The following SORCS2 variants were observed in gnomAD, a reference collection of about 807,000 sequenced individuals.
The protein encoded by SORCS2 is sortilin related VPS10 domain containing receptor 2.
In SORCS2, 100 loss-of-function variants were observed where a neutral mutation model predicts 141.6. The ratio of observed to expected loss-of-function variants is 0.71; its 90% CI spans 0.60 to 0.83. The LOEUF is 0.83. Among genes scored for constraint, SORCS2 ranks in the 40% least tolerant of loss-of-function variants. The pLI is 0.00. For missense variants in SORCS2, 1,646 were observed against 1,560.2 expected (o/e 1.05, Z -0.93); for synonymous variants, 789 against 676.9 (o/e 1.17, Z -2.57).
At chr4:7,433,842 G>T (rs1465660299) in intron 2 of SORCS2, 2 of 1,613,918 alleles carry the variant, frequency 1.2e-6, no homozygotes, top group Non-Finnish European at 1.7e-6. Context: ...GCTGCACCAA[G>T]GAGGGGCTGT....
intron 1 of SORCS2, among the ~76,000 whole-genome samples, chr4:7,203,846 C>G (rs1046165360): frequency 2.6e-5 from 4 of 152,184 alleles, no homozygotes; most frequent in African/African-American, 9.7e-5. Flanking sequence ...CCCCGCCACT[C>G]ACAGTCTACT....
chr4:7,239,299 G>T (rs1712519030), intron 1 of SORCS2, among the ~76,000 whole-genome samples: 1 of 152,254 alleles, frequency 6.6e-6, no homozygotes, highest in South Asian at 2.1e-4. Context: ...CAGCACCGAG[G>T]GATCTGGGGC....
chr4:7,687,784 A>C (rs916856258), intron 10 of SORCS2, among the ~76,000 whole-genome samples: 8 of 152,140 alleles, frequency 5.3e-5, no homozygotes, highest in Admixed American at 5.2e-4. Context: ...CTTTTAGTCT[A>C]TTCACAGAGT....
At chr4:7,377,360 G>C (rs993087594) in intron 1 of SORCS2, among the ~76,000 whole-genome samples, 1 of 152,072 alleles carries the variant, frequency 6.6e-6, no homozygotes, top group Non-Finnish European at 1.5e-5. Flanking sequence ...CTGTGACGGG[G>C]GGGACAGATC....
chr4:7,555,350 T>G lies in SORCS2; in HGVS notation c.648+23721T>G, dbSNP rs192505658. On this transcript the variant is annotated intron_variant, in intron 3 of 26. Coordinates refer to ENST00000507866, the MANE Select transcript of SORCS2 (RefSeq NM_020777.3). ...TGAGGGCACTTTCTGGCAGGGGCCATTTCCAAAGACACCCCCAGCCATGGT... is the reference window on the plus strand; with the variant it reads ...TGAGGGCACTTTCTGGCAGGGGCCAGTTCCAAAGACACCCCCAGCCATGGT... Among the ~76,000 whole-genome samples the G allele has an allele frequency of 5.1e-4, 77 of 152,330 alleles. No homozygotes were observed. The East Asian group carries it at 0.014, about 27-fold the overall frequency.
chr4:7,467,391 G>A lies in SORCS2; in HGVS notation c.549-64139G>A, dbSNP rs190687246. Among the ~76,000 whole-genome samples, 188 of 152,294 alleles carry A rather than the reference G, an allele frequency of 1.2e-3. 1 individual carries two copies. In the East Asian group the frequency reaches 0.021, roughly 17 times the overall value. On this transcript the variant is annotated intron_variant, in intron 2 of 26. Coordinates refer to ENST00000507866, the MANE Select transcript of SORCS2 (RefSeq NM_020777.3). ...ATGAGGAGCTCACCCTGGGGCCTTC[G>A]GTTGGCCTCTGGGTTGGGTGATCAA...
chr4:7,697,407 C>A, intron 12 of SORCS2, 133 bp downstream of exon 12: 1 of 790,260 alleles, frequency 1.3e-6, no homozygotes, highest in Non-Finnish European at 2.0e-6. Flanking sequence ...TCCCATCTTG[C>A]AGCCAAAGTG....
chr4:7,534,533 A>G (rs1711951333), intron 3 of SORCS2, among the ~76,000 whole-genome samples: 2 of 152,184 alleles, frequency 1.3e-5, no homozygotes, highest in Non-Finnish European at 2.9e-5. Flanking sequence ...TGCAAATGGG[A>G]TTAAGTGGAG....
chr4:7,329,519 A>C (rs1719505589), intron 1 of SORCS2, among the ~76,000 whole-genome samples: 1 of 152,210 alleles, frequency 6.6e-6, no homozygotes, highest in African/African-American at 2.4e-5. Context: ...CAGCAGCTGC[A>C]GGTAGCTCAG....
chr4:7,264,250 G>T (rs978350172), intron 1 of SORCS2, among the ~76,000 whole-genome samples: 2 of 152,242 alleles, frequency 1.3e-5, no homozygotes, highest in Non-Finnish European at 2.9e-5. Flanking sequence ...CTCCAGCAAA[G>T]CGAGAAGAGA....
chr4:7,638,683 G>A (rs138988147), intron 4 of SORCS2, among the ~76,000 whole-genome samples, 191 bp downstream of exon 4: 13 of 152,242 alleles, frequency 8.5e-5, no homozygotes, highest in African/African-American at 1.4e-4. Flanking sequence ...TCAAGGGACC[G>A]TGCCCACTTG....
At chr4:7,244,430 G>A (rs1252172330) in intron 1 of SORCS2, among the ~76,000 whole-genome samples, 2 of 152,260 alleles carry the variant, frequency 1.3e-5, no homozygotes, top group African/African-American at 2.4e-5. Flanking sequence ...AGTGGACGGC[G>A]TTCCATCTTC....
chr4:7,260,376 C>A lies in SORCS2; in HGVS notation c.480+67250C>A, dbSNP rs374696394. Among the ~76,000 whole-genome samples the A allele has an allele frequency of 3.5e-4, 54 of 152,132 alleles. No individual in the cohort carries two copies. The East Asian group carries it at 8.3e-3, about 23-fold the overall frequency. On this transcript the variant is annotated intron_variant, in intron 1 of 26. Transcript: ENST00000507866. ...GCTCCTCTATCTGCCTCCAAGCCTC[C>A]TCCCACCTCCCCCCTCCCAGGAATG... is the stretch of plus-strand genomic sequence containing the variant.
chr4:7,247,059 G>A (rs1713145260), intron 1 of SORCS2, among the ~76,000 whole-genome samples: 2 of 152,194 alleles, frequency 1.3e-5, no homozygotes, highest in Non-Finnish European at 2.9e-5. Flanking sequence ...AAGGTGAGAA[G>A]GCCAGTGAGA....
chr4:7,714,090 A>C, intron 15 of SORCS2, 150 bp from the exon 16 acceptor site: 1 of 1,159,108 alleles, frequency 8.6e-7, no homozygotes. Context: ...TTGACTGCAG[A>C]CATGTCACGC....
At chr4:7,454,776 G>T (rs1432942035) in intron 2 of SORCS2, among the ~76,000 whole-genome samples, 12 of 126,542 alleles carry the variant, frequency 9.5e-5, no homozygotes, top group Admixed American at 7.9e-4. Flanking sequence ...TGGGGTCAGT[G>T]CTGTGTGTTG....
At chr4:7,469,862 C>T (rs1385361723) in intron 2 of SORCS2, among the ~76,000 whole-genome samples, 10 of 152,196 alleles carry the variant, frequency 6.6e-5, no homozygotes, top group Non-Finnish European at 1.3e-4. Context: ...GAACAGGCTT[C>T]TGAGATCAGT....
intron 4 of SORCS2, 23 bp from the exon 5 acceptor site, chr4:7,654,111 T>C: frequency 6.4e-6 from 10 of 1,558,766 alleles, no homozygotes; most frequent in Non-Finnish European, 8.7e-6. Context: ...ACCAAGCTTT[T>C]GTTTCTTTTT....
chr4:7,662,215 T>TCCCCACACTCCCCCCCCTC (rs1722219515), intron 6 of SORCS2, among the ~76,000 whole-genome samples: 1 of 128,042 alleles, frequency 7.8e-6, no homozygotes, highest in African/African-American at 2.9e-5. Flanking sequence ...TAGGTGTGGC[T>TCCCCACACTCCCCCCCCTC]CCCCACCCTC....
Sources: allele counts gnomAD v4.1 joint callset (sites outside exome capture counted in the v4.1 genomes callset), GRCh38; gene constraint gnomAD v4.1.1; transcripts MANE v1.5; gene names NCBI Gene and HGNC (gene_info 2026-07-23, HGNC 2026-07-21).